PPP1R9A: variants seen among roughly 807,000 people sequenced by gnomAD.
PPP1R9A encodes neurabin-1.
In PPP1R9A, 59 loss-of-function variants were observed where a neutral mutation model predicts 141.9. The ratio of observed to expected loss-of-function variants is 0.42; its 90% CI spans 0.34 to 0.52. PPP1R9A has a LOEUF of 0.52. Among genes scored for constraint, PPP1R9A ranks in the 20% least tolerant of loss-of-function variants. PPP1R9A has a pLI of 0.10. For missense variants in PPP1R9A, 1,444 were observed against 1,611.9 expected, an observed-to-expected ratio of 0.90 and a Z score of 1.78; for synonymous variants, 500 against 569.7, an observed-to-expected ratio of 0.88 and a Z score of 1.74.
chr7:95,164,746 T>C (rs569565677), intron 5 of PPP1R9A, among the ~76,000 whole-genome samples: 40 of 141,880 alleles, frequency 2.8e-4, no homozygotes, highest in East Asian at 2.0e-3. Flanking sequence ...CTTTTCTTTT[T>C]TTTTTTTTTT....
At position 95,284,240 on chromosome 7, in the gene PPP1R9A, A is replaced by T; in HGVS notation, c.3519A>T (p.Lys1173Asn). Residue 1173 changes from lysine to asparagine, a missense_variant, in exon 17 of 20, where the codon AAA becomes AAT. Physicochemically the swap from Lys to Asn is moderately conservative, Grantham distance 94. This residue lies in a region of PPP1R9A where 459 missense variants were observed against 513.8 expected (regional missense o/e 0.89). Coordinates refer to ENST00000433360, the MANE Select transcript of PPP1R9A (RefSeq NM_001166160.2). Reference protein sequence around the residue: ...GSKVENTWITKANKRNPNPSS... With the variant: ...GSKVENTWITNANKRNPNPSS... ...AGGTAGAAAACACATGGATTACAAAAGCAAACAAGAGAAACCCAAATCCCT... is the reference window on the plus strand; with the variant it reads ...AGGTAGAAAACACATGGATTACAAATGCAAACAAGAGAAACCCAAATCCCT... 6.4e-7 allele frequency: 1 copy of T among 1,568,728 alleles called. No homozygotes were observed. The highest frequency in any genetic ancestry group is 8.7e-7 in the Non-Finnish European group (1 of 1,151,960).
At chr7:95,237,347 C>T (rs150847964) in intron 8 of PPP1R9A, among the ~76,000 whole-genome samples, 2,473 of 151,700 alleles carry the variant, frequency 0.016, 32 homozygotes, top group Middle Eastern at 0.031. Context: ...AAGTATGCGC[C>T]ACCACACCCA....
intron 2 of PPP1R9A, among the ~76,000 whole-genome samples, chr7:95,073,152 A>G (rs1460151189): frequency 6.7e-6 from 1 of 150,016 alleles, no homozygotes; most frequent in East Asian, 2.0e-4. Context: ...CACCCAGCTA[A>G]TTTTTGTATT....
chr7:95,053,619 A>G (rs1811103396), intron 2 of PPP1R9A, among the ~76,000 whole-genome samples: 2 of 152,234 alleles, frequency 1.3e-5, no homozygotes, highest in Admixed American at 6.5e-5. Flanking sequence ...GTGAAGTCCA[A>G]TACTCAATTT....
Position 95,120,756 on chromosome 7 carries a change from G to A in PPP1R9A, c.1573G>A (p.Ala525Thr). ...GISIIGMGVG[A>T]DAGLEKLGIF... ...AAGTATTATTGGAATGGGTGTTGGA[G>A]CAGATGCTGGACTTGAAAAGCTGGG... The change falls in exon 4 of 20, where the codon GCA becomes ACA. Residue 525 changes from alanine (A) to threonine (T), a missense_variant. By Grantham distance (58) the Ala-to-Thr change is moderately conservative. Coordinates refer to ENST00000433360, the MANE Select transcript of PPP1R9A (RefSeq NM_001166160.2). 8 of 1,614,024 alleles carry A rather than the reference G, an allele frequency of 5.0e-6. No individual in the cohort carries two copies. Among genetic ancestry groups the A allele is most frequent in the South Asian group, 1.1e-5 (1 of 91,070 alleles).
At chr7:95,018,852 C>G (rs1321037035) in intron 2 of PPP1R9A, among the ~76,000 whole-genome samples, 1 of 152,102 alleles carries the variant, frequency 6.6e-6, no homozygotes, top group Non-Finnish European at 1.5e-5. Context: ...TGTCTTGGGT[C>G]TTCTGCTGGC....
intron 8 of PPP1R9A, among the ~76,000 whole-genome samples, chr7:95,230,319 C>T (rs907212535): frequency 1.3e-5 from 2 of 152,076 alleles, no homozygotes; most frequent in Non-Finnish European, 2.9e-5. Context: ...GATGAAATCT[C>T]TGAATTGCCA....
intron 14 of PPP1R9A, among the ~76,000 whole-genome samples, chr7:95,273,607 G>A (rs574036169): frequency 9.2e-5 from 14 of 152,272 alleles, no homozygotes; most frequent in East Asian, 3.9e-4. Flanking sequence ...TCCCTACTTC[G>A]AATGCAGAGG....
Position 95,295,250 on chromosome 7 carries a change from C to T in PPP1R9A, c.*4947C>T, listed in dbSNP as rs149678448. The T allele has an allele frequency of 1.5e-3, 225 of 152,650 alleles. 1 individual carries two copies. The highest frequency in any genetic ancestry group is 5.1e-3 in the African/African-American group (211 of 41,530). The allele number at this position is 152,650 out of a possible 1,614,324, so 9.5% of individuals were successfully genotyped here. A position where few individuals can be genotyped will look rare whatever the true frequency, so the allele number is the denominator to read the frequency against. ...TGCGTTGTGTATACATTGAATGGCT[C>T]ATAGATTTTAAGAGATTTTTTTATT... On this transcript the variant is annotated 3_prime_UTR_variant, in exon 20 of 20. Transcript: ENST00000433360.
chr7:95,168,547 C>G (rs1052180186), intron 5 of PPP1R9A, among the ~76,000 whole-genome samples: 1 of 151,280 alleles, frequency 6.6e-6, no homozygotes, highest in African/African-American at 2.4e-5. Context: ...ATAAGTGGGA[C>G]TATATTAATC....
At chr7:95,203,262 CA>C (rs1172509198) in intron 6 of PPP1R9A, among the ~76,000 whole-genome samples, 1 of 151,206 alleles carries the variant, frequency 6.6e-6, no homozygotes, top group East Asian at 1.9e-4. Flanking sequence ...TAATTAGAGG[CA>C]AAAATATAAT....
At chr7:95,047,426 C>A (rs1810179439) in intron 2 of PPP1R9A, among the ~76,000 whole-genome samples, 1 of 152,116 alleles carries the variant, frequency 6.6e-6, no homozygotes, top group African/African-American at 2.4e-5. Flanking sequence ...CTTTTTGAGA[C>A]ATAATGGCTT....
chr7:95,003,997 C>T (rs1803281864), intron 2 of PPP1R9A, among the ~76,000 whole-genome samples: 1 of 152,074 alleles, frequency 6.6e-6, no homozygotes, highest in Non-Finnish European at 1.5e-5. Context: ...ACACATGGGC[C>T]AGTGTGCAGT....
At chr7:94,959,036 A>T (rs531949606) in intron 2 of PPP1R9A, among the ~76,000 whole-genome samples, 64 of 152,150 alleles carry the variant, frequency 4.2e-4, no homozygotes, top group Admixed American at 1.3e-3. Flanking sequence ...TAAATCCAGC[A>T]TATGATAATG....
intron 10 of PPP1R9A, 123 bp from the exon 11 acceptor site, chr7:95,251,639 T>A (rs1413411380): frequency 3.4e-6 from 3 of 870,850 alleles, no homozygotes; most frequent in Non-Finnish European, 5.0e-6. Context: ...CTCTAACTGA[T>A]TGAATGTTGT....
chr7:95,196,996 C>T (rs1469464854), intron 5 of PPP1R9A, among the ~76,000 whole-genome samples: 1 of 151,916 alleles, frequency 6.6e-6, no homozygotes, highest in African/African-American at 2.4e-5. Context: ...GATAAGTGAA[C>T]ACTTAAAGAT....
chr7:95,184,983 C>T (rs1834410612), intron 5 of PPP1R9A, among the ~76,000 whole-genome samples: 1 of 150,120 alleles, frequency 6.7e-6, no homozygotes, highest in South Asian at 2.1e-4. Flanking sequence ...GTGTAGCTAC[C>T]TGGTAGTTAA....
At chr7:95,271,243 T>C (rs1802125235) in intron 14 of PPP1R9A, among the ~76,000 whole-genome samples, 1 of 152,148 alleles carries the variant, frequency 6.6e-6, no homozygotes, top group African/African-American at 2.4e-5. Flanking sequence ...TAACTTGCCA[T>C]ATTACTAGGA....
At chr7:95,093,818 GT>G (rs1346203003) in intron 2 of PPP1R9A, among the ~76,000 whole-genome samples, 1 of 152,120 alleles carries the variant, frequency 6.6e-6, no homozygotes, top group Non-Finnish European at 1.5e-5. Context: ...TTGTTTTGAA[GT>G]TATAAATTTT....
Sources: gnomAD v4.1 joint callset for allele counts (sites outside exome capture counted in the v4.1 genomes callset) on GRCh38, gnomAD v4.1.1 for gene constraint, gnomAD v4.1.1 regional missense constraint, MANE v1.5 for transcripts, NCBI Gene and HGNC (gene_info 2026-07-23, HGNC 2026-07-21) for gene names.